The following FGF20 variants were observed in gnomAD, a reference collection of about 807,000 sequenced individuals.
FGF20 encodes the protein fibroblast growth factor 20.
A neutral mutation model predicts 16.7 loss-of-function variants in FGF20; 8 were observed. The observed-to-expected ratio is 0.48, with a 90% confidence interval of 0.28 to 0.87. FGF20 has a LOEUF of 0.87. Among genes scored for constraint, FGF20 ranks in the 40% least tolerant of loss-of-function variants. The probability of loss-of-function intolerance (pLI) is 0.10; values close to 1 mark genes in which losing one functional copy is unlikely to be tolerated. For synonymous variants in FGF20, 161 were observed against 118.6 expected, an observed-to-expected ratio of 1.36 and a Z score of -2.32; for missense variants, 397 against 281.4, an observed-to-expected ratio of 1.41 and a Z score of -2.94.
At chr8:16,995,787 C>T (rs779288871) in intron 1 of FGF20, 29 bp from the exon 2 acceptor site, 4 of 1,318,796 alleles carry the variant, frequency 3.0e-6, no homozygotes, top group Non-Finnish European at 4.3e-6. Flanking sequence ...CATAAAAACA[C>T]CATGTTTTGT....
chr8:16,993,113 T>C lies in FGF20; in HGVS notation c.595A>G (p.Arg199Gly). 4 of 1,614,142 alleles carry C rather than the reference T, an allele frequency of 2.5e-6. No homozygotes were observed. The highest frequency in any genetic ancestry group is 1.3e-5 in the African/African-American group (1 of 75,054). ...AGGTCCTTGTACAATTCTGGAACTC[T>C]TTCTGGATCCACTGGTCTAGGTAAG... ...HFLPRPVDPE[R>G]VPELYKDLLM... Residue 199 changes from arginine to glycine, a missense_variant, in exon 3 of 3, where the codon AGA becomes GGA. Arg to Gly is a moderately radical substitution (Grantham distance 125). Coordinates refer to ENST00000180166, the MANE Select transcript of FGF20 (RefSeq NM_019851.3).
At chr8:16,997,872 T>A (rs1200689000) in intron 1 of FGF20, among the ~76,000 whole-genome samples, 1 of 152,236 alleles carries the variant, frequency 6.6e-6, no homozygotes, top group Non-Finnish European at 1.5e-5. Flanking sequence ...TCATTCAGGC[T>A]ATAATTACAA....
chr8:16,992,951 C>G lies in FGF20; in HGVS notation c.*121G>C. On this transcript the variant is annotated 3_prime_UTR_variant, in exon 3 of 3. Coordinates refer to ENST00000180166, the MANE Select transcript of FGF20 (RefSeq NM_019851.3). ...TCTCAATATTCTTTCCAAATCCAGT[C>G]TCTCAGTAGAAAATAGACTTTAATA... is the stretch of plus-strand genomic sequence containing the variant. The G allele has an allele frequency of 7.9e-7, 1 of 1,263,172 alleles. No individual in the cohort carries two copies. Among genetic ancestry groups the G allele is most frequent in the East Asian group, 2.3e-5 (1 of 42,708 alleles). 78.2% of individuals were successfully genotyped at this position (1,263,172 alleles called of 1,614,324 possible).
chr8:16,994,132 CAT>C (rs1809987318), intron 2 of FGF20, among the ~76,000 whole-genome samples: 1 of 152,076 alleles, frequency 6.6e-6, no homozygotes, highest in Non-Finnish European at 1.5e-5. Flanking sequence ...TCTCATGTCC[CAT>C]ATCATCACCC....
At position 17,002,145 on chromosome 8, in the gene FGF20, G is replaced by A. The variant is rs762437466; in HGVS notation, c.-113C>T. The A allele has an allele frequency of 4.3e-6, 5 of 1,151,804 alleles. No individual in the cohort carries two copies. In the African/African-American group the frequency reaches 4.9e-5, roughly 11 times the overall value. The allele number at this position is 1,151,804 out of a possible 1,614,324, so 71.3% of individuals were successfully genotyped here. The stretch of plus-strand genomic sequence containing the variant: ...AAACGAGCGCAAAAAGTTAAGGCCC[G>A]GTTACTCCTCTGAGGTCGCTCCGGA... On this transcript the variant is annotated 5_prime_UTR_variant, in exon 1 of 3. Coordinates refer to ENST00000180166, the MANE Select transcript of FGF20 (RefSeq NM_019851.3).
intron 2 of FGF20, among the ~76,000 whole-genome samples, chr8:16,994,786 G>A (rs528618825): frequency 6.6e-6 from 1 of 152,260 alleles, no homozygotes; most frequent in African/African-American, 2.4e-5. Flanking sequence ...CTCAAGAAAA[G>A]AGTTCACATA....
At chr8:16,998,259 T>C (rs1285239521) in intron 1 of FGF20, among the ~76,000 whole-genome samples, 2 of 152,198 alleles carry the variant, frequency 1.3e-5, no homozygotes, top group African/African-American at 2.4e-5. Context: ...GTTTTAACTT[T>C]AGTAAACAAC....
chr8:16,995,844 G>C, intron 1 of FGF20, 86 bp from the exon 2 acceptor site: 1 of 709,866 alleles, frequency 1.4e-6, no homozygotes. Flanking sequence ...AAATAGTAGC[G>C]GTAGTCGGCC....
chr8:16,997,484 T>G (rs556238192), intron 1 of FGF20, among the ~76,000 whole-genome samples: 1 of 152,336 alleles, frequency 6.6e-6, no homozygotes, highest in Admixed American at 6.5e-5. Flanking sequence ...TTTGCTGATA[T>G]GCTGGGCTCT....
At chr8:16,993,615 C>G (rs923882250) in intron 2 of FGF20, among the ~76,000 whole-genome samples, 6 of 152,040 alleles carry the variant, frequency 3.9e-5, no homozygotes, top group African/African-American at 1.4e-4. Flanking sequence ...CAGGGTGATC[C>G]AAGTGCATTA....
At chr8:16,996,778 G>A (rs1317490591) in intron 1 of FGF20, among the ~76,000 whole-genome samples, 1 of 152,120 alleles carries the variant, frequency 6.6e-6, no homozygotes, top group Non-Finnish European at 1.5e-5. Context: ...TACATATAAA[G>A]AAATGGAGGC....
intron 2 of FGF20, 80 bp from the exon 3 acceptor site, chr8:16,993,397 T>A: frequency 7.3e-7 from 1 of 1,363,026 alleles, no homozygotes; most frequent in Non-Finnish European, 1.0e-6. Context: ...CTCTATATTT[T>A]CATTTCTTTG....
chr8:16,993,716 G>T (rs1809974573), intron 2 of FGF20, among the ~76,000 whole-genome samples: 1 of 152,118 alleles, frequency 6.6e-6, no homozygotes, highest in African/African-American at 2.4e-5. Flanking sequence ...ATCAGTGGGA[G>T]CCCTGAGCTT....
At chr8:17,000,445 T>C (rs1375009797) in intron 1 of FGF20, among the ~76,000 whole-genome samples, 2 of 148,488 alleles carry the variant, frequency 1.3e-5, no homozygotes, top group Non-Finnish European at 3.0e-5. Flanking sequence ...GGAATAATTA[T>C]AAGAACAAGG....
intron 1 of FGF20, 39 bp downstream of exon 1, chr8:17,001,708 G>C (rs1030235616): frequency 1.9e-6 from 3 of 1,541,184 alleles, no homozygotes; most frequent in Non-Finnish European, 2.6e-6. Flanking sequence ...AGCCGAGCTG[G>C]GGCGCAGATG....
At position 17,001,923 on chromosome 8, in the gene FGF20, A is replaced by G. The variant is rs1205538550; in HGVS notation, c.110T>C (p.Leu37Pro). The G allele has an allele frequency of 1.3e-6, 2 of 1,491,698 alleles. No homozygotes were observed. The highest frequency in any genetic ancestry group is 1.5e-5 in the African/African-American group (1 of 68,442). The allele number at this position is 1,491,698 out of a possible 1,614,324, so 92.4% of individuals were successfully genotyped here. Residue 37 changes from leucine to proline, a missense_variant, in exon 1 of 3, where the codon CTG becomes CCG. Transcript: ENST00000180166. ...LPPAGERPPLLGERRSAAERS... is the reference protein window; with the variant it reads ...LPPAGERPPLPGERRSAAERS... ...CTCCGCCGCGCTCCTGCGCTCGCCC[A>G]GCAGCGGCGGCCGCTCCCCGGCAGG...
At chr8:16,994,002 C>T (rs918043470) in intron 2 of FGF20, among the ~76,000 whole-genome samples, 6 of 152,156 alleles carry the variant, frequency 3.9e-5, no homozygotes, top group Admixed American at 1.3e-4. Flanking sequence ...CAGTTTTTAA[C>T]AGGCCACAGA....
At chr8:17,000,983 A>G (rs1227536202) in intron 1 of FGF20, among the ~76,000 whole-genome samples, 1 of 152,012 alleles carries the variant, frequency 6.6e-6, no homozygotes, top group East Asian at 1.9e-4. Flanking sequence ...CAATTTCCAA[A>G]GAGGAGCTTG....
At position 16,996,202 on chromosome 8, in the gene FGF20, A is replaced by T. The variant is rs145795379; in HGVS notation, c.287-444T>A. 7.0e-3 allele frequency among the ~76,000 whole-genome samples: 1,061 copies of T among 152,148 alleles called. 10 individuals carry two copies. The highest frequency in any genetic ancestry group is 9.5e-3 in the Non-Finnish European group (643 of 67,988). On this transcript the variant is annotated intron_variant, in intron 1 of 2. Coordinates refer to ENST00000180166, the MANE Select transcript of FGF20 (RefSeq NM_019851.3). ...GTTTTTTTTTCCTTTTTGGCCAATAAATTCCATTTTTCTCACCCTTCTATG... is the reference window on the plus strand; with the variant it reads ...GTTTTTTTTTCCTTTTTGGCCAATATATTCCATTTTTCTCACCCTTCTATG...
Sources: allele counts gnomAD v4.1 joint callset (sites outside exome capture counted in the v4.1 genomes callset), GRCh38; gene constraint gnomAD v4.1.1; transcripts MANE v1.5; gene names NCBI Gene and HGNC (gene_info 2026-07-23, HGNC 2026-07-21).